The following ESR1 variants were observed in gnomAD, a reference collection of about 807,000 sequenced individuals.
ESR1 encodes estrogen receptor.
Under a neutral mutation model 52.7 loss-of-function variants are expected in ESR1, and 12 were observed. The ratio of observed to expected loss-of-function variants is 0.23; its 90% CI spans 0.15 to 0.37. The LOEUF (loss-of-function observed/expected upper bound fraction) is 0.37. Among genes scored for constraint, ESR1 ranks in the 10% least tolerant of loss-of-function variants. The pLI, the probability that ESR1 is intolerant of heterozygous loss-of-function variation, is 1.00. For synonymous variants in ESR1, 305 were observed against 316.8 expected (o/e 0.96, Z 0.39); for missense variants, 584 against 779.7 (o/e 0.75, Z 2.99).
chr6:151,872,639 G>C (rs1469854378), intron 2 of ESR1, among the ~76,000 whole-genome samples: 1 of 151,980 alleles, frequency 6.6e-6, no homozygotes, highest in East Asian at 1.9e-4. Flanking sequence ...TTTGCTTTTA[G>C]TGAGTTCCAA....
chr6:152,099,678 G>A lies in ESR1; in HGVS notation c.*712G>A. On this transcript the variant is annotated 3_prime_UTR_variant, in exon 8 of 8. Coordinates refer to ENST00000206249, the MANE Select transcript of ESR1 (RefSeq NM_000125.4). ...TCTGGCTTTCCGGTCATGGGTTCCA[G>A]TTAATTCATGCCTCCCATGGACCTA... is the stretch of plus-strand genomic sequence containing the variant. The A allele has an allele frequency of 7.5e-6, 2 of 266,320 alleles. No homozygotes were observed. The highest frequency in any genetic ancestry group is 1.4e-5 in the Non-Finnish European group (2 of 141,000). The allele number at this position is 266,320 out of a possible 1,614,324, so 16.5% of individuals were successfully genotyped here.
At chr6:151,829,754 C>T (rs1782084019) in intron 1 of ESR1, among the ~76,000 whole-genome samples, 1 of 152,182 alleles carries the variant, frequency 6.6e-6, no homozygotes, top group East Asian at 1.9e-4. Flanking sequence ...GTTGTAATTT[C>T]TCATTTTACA....
chr6:151,837,353 C>A (rs1444352577), intron 1 of ESR1, among the ~76,000 whole-genome samples: 1 of 152,118 alleles, frequency 6.6e-6, no homozygotes, highest in Non-Finnish European at 1.5e-5. Context: ...CCACCTTGGT[C>A]TCCTAAAGTG....
chr6:151,985,362 G>C (rs2128691988), intron 4 of ESR1, among the ~76,000 whole-genome samples: 1 of 151,840 alleles, frequency 6.6e-6, no homozygotes, highest in Non-Finnish European at 1.5e-5. Flanking sequence ...AAAAAAATTA[G>C]CTGGGCATGG....
chr6:151,958,998 G>T (rs1371980759), intron 4 of ESR1, among the ~76,000 whole-genome samples: 1 of 152,140 alleles, frequency 6.6e-6, no homozygotes, highest in Non-Finnish European at 1.5e-5. Context: ...GTGTGTGCGT[G>T]TGTGTGTTTA....
At chr6:151,774,024 G>T (rs913351803) in intron 2 of ESR1, among the ~76,000 whole-genome samples, 1 of 152,186 alleles carries the variant, frequency 6.6e-6, no homozygotes, top group Non-Finnish European at 1.5e-5. Context: ...GCATGAAATA[G>T]GTGTTCAGTA....
intron 4 of ESR1, among the ~76,000 whole-genome samples, chr6:152,009,752 G>A (rs778196161): frequency 1.3e-5 from 2 of 152,076 alleles, no homozygotes; most frequent in Admixed American, 1.3e-4. Flanking sequence ...AGAAATAAAA[G>A]CATATATCCA....
intron 6 of ESR1, chr6:152,121,774 T>G (rs1411946403): frequency 2.6e-5 from 4 of 152,874 alleles, no homozygotes; most frequent in Non-Finnish European, 5.9e-5. Flanking sequence ...ATATCTTTTT[T>G]TTTTTACTAT....
At chr6:151,829,676 G>T (rs1261530465) in intron 1 of ESR1, among the ~76,000 whole-genome samples, 2 of 152,196 alleles carry the variant, frequency 1.3e-5, no homozygotes, top group Non-Finnish European at 2.9e-5. Flanking sequence ...TGTTATTGTT[G>T]GTCGGAGGCA....
At chr6:151,899,352 G>T (rs1796190272) in intron 3 of ESR1, among the ~76,000 whole-genome samples, 1 of 108,522 alleles carries the variant, frequency 9.2e-6, no homozygotes, top group Non-Finnish European at 1.8e-5. Context: ...GCGGGGGGCT[G>T]ACCCCCCCAC....
At chr6:151,806,557 T>TAC (rs1554259011), upstream of ESR1, among the ~76,000 whole-genome samples, 561 of 133,780 alleles carry the variant, frequency 4.2e-3, 14 homozygotes, top group East Asian at 0.016. Flanking sequence ...TATATATATA[T>TAC]ACACATATAT....
At chr6:151,806,557 T>TATATGTATATATATATAC (rs1554259008), upstream of ESR1, among the ~76,000 whole-genome samples, 12 of 133,790 alleles carry the variant, frequency 9.0e-5, 1 homozygote, top group East Asian at 2.1e-4. Context: ...TATATATATA[T>TATATGTATATATATATAC]ACACATATAT....
chr6:152,030,933 A>G (rs1019178752), intron 5 of ESR1, among the ~76,000 whole-genome samples: 3 of 152,192 alleles, frequency 2.0e-5, no homozygotes, highest in African/African-American at 7.2e-5. Flanking sequence ...ATTATAACAA[A>G]CTATCTCTCA....
intron 3 of ESR1, among the ~76,000 whole-genome samples, chr6:151,931,884 G>C (rs2033671693): frequency 1.4e-5 from 2 of 143,150 alleles, no homozygotes; most frequent in South Asian, 4.6e-4. Context: ...CCAAGTCTTT[G>C]CTATTGTGAA....
At chr6:151,859,660 C>G (rs576279593) in intron 2 of ESR1, among the ~76,000 whole-genome samples, 1 of 152,182 alleles carries the variant, frequency 6.6e-6, no homozygotes, top group Non-Finnish European at 1.5e-5. Context: ...GCAACAGCTG[C>G]CAGGGTTGAC....
chr6:152,106,152 G>A (rs1175459474), downstream of ESR1, among the ~76,000 whole-genome samples: 1 of 152,094 alleles, frequency 6.6e-6, no homozygotes, highest in African/African-American at 2.4e-5. Flanking sequence ...TAAATCTGAT[G>A]ACATAAAATG....
chr6:151,784,773 A>T (rs1001429061), intron 2 of ESR1, among the ~76,000 whole-genome samples: 9 of 152,188 alleles, frequency 5.9e-5, no homozygotes, highest in African/African-American at 2.2e-4. Flanking sequence ...TTTTTTGAAC[A>T]GTTTCCCCAT....
At chr6:151,832,419 C>G (rs1782593487) in intron 1 of ESR1, among the ~76,000 whole-genome samples, 1 of 152,030 alleles carries the variant, frequency 6.6e-6, no homozygotes, top group South Asian at 2.1e-4. Context: ...AAAATAAATA[C>G]ATACAAAATT....
At chr6:151,714,565 G>A (rs1056951893) in intron 2 of ESR1, among the ~76,000 whole-genome samples, 2 of 152,156 alleles carry the variant, frequency 1.3e-5, no homozygotes, top group African/African-American at 4.8e-5. Flanking sequence ...TCTTCTCGTT[G>A]CATTGATACC....
Sources: gnomAD v4.1 joint callset for allele counts (sites outside exome capture counted in the v4.1 genomes callset) on GRCh38, gnomAD v4.1.1 for gene constraint, MANE v1.5 for transcripts, NCBI Gene and HGNC (gene_info 2026-07-23, HGNC 2026-07-21) for gene names.